The following UTP14A variants were observed in gnomAD, a reference collection of about 807,000 sequenced individuals.
UTP14A encodes U3 small nucleolar RNA-associated protein 14 homolog A.
UTP14A carries 5 observed loss-of-function variants against 57.2 expected under a neutral mutation model. The ratio of observed to expected loss-of-function variants is 0.09; its 90% confidence interval spans 0.05 to 0.18. The LOEUF (loss-of-function observed/expected upper bound fraction) is 0.18, where lower values mean the gene tolerates loss of function less well. UTP14A is among the 10% of genes least tolerant of loss of function. The pLI is 1.00. For missense variants in UTP14A, 430 were observed against 562.1 expected (o/e 0.76, Z 2.38); for synonymous variants, 169 against 210.9 (o/e 0.80, Z 1.72).
At chrX:129,919,123 A>G in intron 6 of UTP14A, 52 bp from the exon 7 acceptor site, 1 of 1,209,125 alleles carries the variant, frequency 8.3e-7, no homozygotes, top group Non-Finnish European at 1.1e-6. Flanking sequence ...GTAAAGAGAG[A>G]AAGCTGTAAG....
chrX:129,914,005 A>T (rs932390451), intron 6 of UTP14A, among the ~76,000 whole-genome samples: 6 of 111,382 alleles, frequency 5.4e-5, no homozygotes, highest in South Asian at 3.7e-4. Flanking sequence ...AATAAATAAA[A>T]AATAAAAACT....
chrX:129,925,827 G>A (rs1176351691), intron 12 of UTP14A, 92 bp from the exon 13 acceptor site: 1 of 1,067,343 alleles, frequency 9.4e-7, no homozygotes, highest in Non-Finnish European at 1.3e-6. Flanking sequence ...CCCCCTAGGG[G>A]GCGCTAAAAT....
chrX:129,921,135 G>C, intron 10 of UTP14A, 59 bp from the exon 11 acceptor site: 1 of 1,154,473 alleles, frequency 8.7e-7, no homozygotes, highest in Non-Finnish European at 1.1e-6. Flanking sequence ...AATGGACCAG[G>C]AAAGGTGTTA....
Position 129,918,831 on chromosome X carries a change from C to G in UTP14A, c.538-344C>G, listed in dbSNP as rs190065562. Among the ~76,000 whole-genome samples the G allele has an allele frequency of 2.2e-4, 24 of 109,009 alleles. No homozygotes were observed. In the East Asian group the frequency reaches 6.7e-3, roughly 31 times the overall value. The allele number at this position is 109,009 out of a possible 115,157, so 94.7% of individuals were successfully genotyped here. A position where few individuals can be genotyped will look rare whatever the true frequency, so the allele number is the denominator to read the frequency against. On this transcript the variant is annotated intron_variant, in intron 6 of 14. Transcript: ENST00000394422. ...GGCGGAGCTTGCAGTGAGCCGAGAT[C>G]ACGCCACTGCACTTCAGCCTGGGCG...
chrX:129,911,791 A>G lies in UTP14A; in HGVS notation c.407A>G (p.Lys136Arg), dbSNP rs1929480455. ...ERIHREVAFN[K>R]TAQVLSKWDP... ...ATCCACAGAGAAGTAGCATTCAATA[A>G]AACCGCACAAGTCCTCTCCAAATGG... The change falls in exon 6 of 15, where the codon AAA becomes AGA. Residue 136 changes from lysine (K) to arginine (R), a missense_variant. By Grantham distance (26) the Lys-to-Arg change is conservative. Coordinates refer to ENST00000394422, the MANE Select transcript of UTP14A (RefSeq NM_006649.4). 8.3e-7 allele frequency: 1 copy of G among 1,209,454 alleles called. No individual in the cohort carries two copies. The highest frequency in any genetic ancestry group is 1.8e-5 in the African/African-American group (1 of 57,039).
intron 14 of UTP14A, among the ~76,000 whole-genome samples, chrX:129,926,787 G>C (rs978369310): frequency 8.9e-6 from 1 of 111,766 alleles, no homozygotes; most frequent in Non-Finnish European, 1.9e-5. Flanking sequence ...AGGCTGCTCT[G>C]GGAGTATGAG....
At chrX:129,912,679 T>C (rs771680656) in intron 6 of UTP14A, among the ~76,000 whole-genome samples, 2 of 110,868 alleles carry the variant, frequency 1.8e-5, no homozygotes, top group South Asian at 3.8e-4. Context: ...TAAAATATAA[T>C]GTGTTGCTGG....
chrX:129,917,926 C>A (rs942093702), intron 6 of UTP14A, among the ~76,000 whole-genome samples: 5 of 111,901 alleles, frequency 4.5e-5, no homozygotes, highest in African/African-American at 1.6e-4. Context: ...AAAAAAATGC[C>A]ATGTTTTTTC....
rs772317629 is a variant in UTP14A, at chrX:129,911,982, G to A, written c.537+61G>A. ...TTATAAGTTGGAGATTTCAGAGCCT[G>A]CAATTGATTTGATTGGACATGTTAA... On this transcript the variant is annotated intron_variant, in intron 6 of 14. Coordinates refer to ENST00000394422, the MANE Select transcript of UTP14A (RefSeq NM_006649.4). The A allele has an allele frequency of 1.9e-4, 220 of 1,166,561 alleles. 1 individual carries two copies. The highest frequency in any genetic ancestry group is 9.5e-4 in the Middle Eastern group (4 of 4,200).
At chrX:129,924,477 G>A (rs1930028434) in intron 11 of UTP14A, among the ~76,000 whole-genome samples, 1 of 106,763 alleles carries the variant, frequency 9.4e-6, no homozygotes, top group Non-Finnish European at 1.9e-5. Context: ...AGTAGAGATG[G>A]GGTTTCACCG....
At chrX:129,916,205 C>T (rs1929688418) in intron 6 of UTP14A, among the ~76,000 whole-genome samples, 1 of 110,650 alleles carries the variant, frequency 9.0e-6, no homozygotes, top group African/African-American at 3.3e-5. Context: ...CCGCCCACCT[C>T]GGCCTCCCAG....
chrX:129,914,421 A>G (rs1208712048), intron 6 of UTP14A, among the ~76,000 whole-genome samples: 1 of 110,096 alleles, frequency 9.1e-6, no homozygotes, highest in Non-Finnish European at 1.9e-5. Flanking sequence ...TACTAAAAAT[A>G]TGTAAATTAG....
chrX:129,926,017 G>A lies in UTP14A; in HGVS notation c.1848G>A (p.Val616=), dbSNP rs1930092740. Residue 616 remains valine, a synonymous_variant, in exon 13 of 15, where the codon GTG becomes GTA. Coordinates refer to ENST00000394422, the MANE Select transcript of UTP14A (RefSeq NM_006649.4). ...TCTTGAAAGAGAAGAGGGAAGCTGTGGAGGCGAGTAAGCCAAAGGACGTGG... is the reference window on the plus strand; with the variant it reads ...TCTTGAAAGAGAAGAGGGAAGCTGTAGAGGCGAGTAAGCCAAAGGACGTGG... ...RDFLKEKREA[V]EASKPKDVDL... is the part of the protein sequence containing the mutation. The A allele has an allele frequency of 1.7e-6, 2 of 1,210,142 alleles. No individual in the cohort carries two copies. The highest frequency in any genetic ancestry group is 2.2e-5 in the Admixed American group (1 of 45,789).
chrX:129,915,359 A>G (rs1929643916), intron 6 of UTP14A, among the ~76,000 whole-genome samples: 2 of 111,002 alleles, frequency 1.8e-5, no homozygotes, highest in African/African-American at 6.6e-5. Context: ...CCCCGTCTCT[A>G]CTAAAAATAT....
At position 129,921,310 on chromosome X, in the gene UTP14A, T is replaced by C; in HGVS notation, c.1071T>C (p.Leu357=). 8.3e-7 allele frequency: 1 copy of C among 1,211,409 alleles called. No homozygotes were observed. The highest frequency in any genetic ancestry group is 1.1e-6 in the Non-Finnish European group (1 of 895,490). Residue 357 remains leucine, a synonymous_variant, in exon 11 of 15, where the codon CTT becomes CTC. Transcript: ENST00000394422. The part of the protein sequence containing the change: ...EGGTEDVEEL[L]VPDVVNEVQM... ...GCACAGAAGATGTGGAAGAACTCCT[T>C]GTCCCTGATGTAGTGAATGAAGTGC...
Position 129,926,304 on chromosome X carries a change from A to G in UTP14A, c.2008A>G (p.Asn670Asp), listed in dbSNP as rs781506329. The G allele has an allele frequency of 2.5e-6, 3 of 1,211,962 alleles. No homozygotes were observed. The highest frequency in any genetic ancestry group is 3.3e-6 in the Non-Finnish European group (3 of 895,551). Residue 670 changes from asparagine to aspartate, a missense_variant, in exon 14 of 15, where the codon AAT becomes GAT. By Grantham distance (23) the Asn-to-Asp change is conservative (BLOSUM62 1). Coordinates refer to ENST00000394422, the MANE Select transcript of UTP14A (RefSeq NM_006649.4). ...KDKNLPNVII[N>D]EKRNIHAAAH... ...TAAGAATTTGCCAAATGTGATTATC[A>G]ATGAGAAGCGCAACATCCACGCAGC...
At chrX:129,927,194 G>A (rs765053251) in intron 14 of UTP14A, among the ~76,000 whole-genome samples, 5 of 110,730 alleles carry the variant, frequency 4.5e-5, no homozygotes, top group African/African-American at 1.3e-4. Flanking sequence ...ATACAGTCAT[G>A]GCAAACTGAC....
chrX:129,923,612 A>G (rs1284711408), intron 11 of UTP14A, among the ~76,000 whole-genome samples: 1 of 111,546 alleles, frequency 9.0e-6, no homozygotes, highest in Non-Finnish European at 1.9e-5. Context: ...TTATTTGCTC[A>G]GATGTTGCCA....
intron 6 of UTP14A, among the ~76,000 whole-genome samples, chrX:129,918,861 A>G (rs1251383666): frequency 9.1e-6 from 1 of 109,404 alleles, no homozygotes; most frequent in African/African-American, 3.4e-5. Context: ...TGGGCGACAG[A>G]GCAAGACTCC....
Sources: allele counts gnomAD v4.1 joint callset (sites outside exome capture counted in the v4.1 genomes callset), GRCh38; gene constraint gnomAD v4.1.1; transcripts MANE v1.5; gene names NCBI Gene and HGNC (gene_info 2026-07-23, HGNC 2026-07-21).